Variants in CDCA7 observed in about 807,000 individuals in gnomAD.
The protein encoded by CDCA7 is cell division cycle-associated protein 7.
CDCA7 carries 28 observed loss-of-function variants against 54.0 expected under a neutral mutation model. The ratio of observed to expected loss-of-function variants is 0.52; its 90% CI spans 0.38 to 0.71. The LOEUF (loss-of-function observed/expected upper bound fraction) is 0.71. CDCA7 is among the 30% of genes least tolerant of loss of function. The pLI is 0.00. For missense variants in CDCA7, 484 were observed against 586.0 expected (o/e 0.83, Z 1.80); for synonymous variants, 180 against 208.2 (o/e 0.86, Z 1.16).
intron 4 of CDCA7, 93 bp downstream of exon 4, chr2:173,363,555 GT>G: frequency 8.0e-7 from 1 of 1,250,914 alleles, no homozygotes; most frequent in Non-Finnish European, 1.1e-6. Flanking sequence ...ATTTTTTTCT[GT>G]TACATGAATA....
chr2:173,359,634 T>A (rs1229108391), intron 3 of CDCA7, 143 bp downstream of exon 3: 8 of 670,258 alleles, frequency 1.2e-5, no homozygotes, highest in African/African-American at 1.8e-5. Context: ...AGTGTTTTCT[T>A]CATGTCTTAA....
At chr2:173,358,881 C>T in intron 2 of CDCA7, 44 bp downstream of exon 2, 1 of 1,584,480 alleles carries the variant, frequency 6.3e-7, no homozygotes, top group Non-Finnish European at 8.6e-7. Flanking sequence ...CTGCAGTGCT[C>T]AAAATGCCCC....
At chr2:173,368,997 AG>A (rs1190480146), downstream of CDCA7, 1 of 152,214 alleles carries the variant, frequency 6.6e-6, no homozygotes, top group African/African-American at 2.4e-5. Flanking sequence ...TTTCTAAAAA[AG>A]TCTCCCTTTT....
chr2:173,355,070 A>G, intron 1 of CDCA7, 86 bp downstream of exon 1: 2 of 1,246,020 alleles, frequency 1.6e-6, no homozygotes, highest in Non-Finnish European at 1.0e-6. Context: ...CCAACTCCGC[A>G]GCCTAGCGCT....
At chr2:173,360,850 TC>T (rs1686606878) in intron 3 of CDCA7, among the ~76,000 whole-genome samples, 1 of 151,884 alleles carries the variant, frequency 6.6e-6, no homozygotes, top group Non-Finnish European at 1.5e-5. Context: ...TTTTTTCTTC[TC>T]TCTCTCTTTT....
Position 173,354,874 on chromosome 2 carries a change from T to C in CDCA7, c.-90T>C, listed in dbSNP as rs1686462215. 3 of 1,205,256 alleles carry C rather than the reference T, an allele frequency of 2.5e-6. No individual in the cohort carries two copies. Among genetic ancestry groups the C allele is most frequent in the African/African-American group, 3.4e-5 (2 of 59,652 alleles). 74.7% of individuals were successfully genotyped at this position (1,205,256 alleles called of 1,614,324 possible). On this transcript the variant is annotated 5_prime_UTR_variant, in exon 1 of 10. Transcript: ENST00000306721. ...GGCGCGCCCAGCCTGCCAGCCGCGC[T>C]GCTGCTGCTCCTCCTGCTGTGGGAC...
intron 3 of CDCA7, among the ~76,000 whole-genome samples, chr2:173,359,828 A>G (rs1458309360): frequency 3.3e-5 from 5 of 152,228 alleles, no homozygotes; most frequent in Non-Finnish European, 7.3e-5. Context: ...TCAAGTGCCC[A>G]GCCTAGTGCC....
Position 173,363,187 on chromosome 2 carries a change from C to T in CDCA7, c.385-39C>T, listed in dbSNP as rs767847739. 5 of 1,584,132 alleles carry T rather than the reference C, an allele frequency of 3.2e-6. No homozygotes were observed. In the Admixed American group the frequency reaches 8.4e-5, roughly 27 times the overall value. On this transcript the variant is annotated intron_variant, in intron 3 of 9. Transcript: ENST00000306721. ...TTGTAGTTATACTGATGCAGCTTGT[C>T]TGCTGATCAAGTCCTAATGACTCAA... is the stretch of plus-strand genomic sequence containing the variant.
In CDCA7 at chr2:173,368,915, T is replaced by A. The variant is rs1233453082; in HGVS notation, c.*1251T>A. 6.6e-6 allele frequency: 1 copy of A among 152,210 alleles called. No individual in the cohort carries two copies. The highest frequency in any genetic ancestry group is 1.5e-5 in the Non-Finnish European group (1 of 68,036). The allele number at this position is 152,210 out of a possible 1,614,324, so 9.4% of individuals were successfully genotyped here. On this transcript the variant is annotated 3_prime_UTR_variant, in exon 10 of 10. Coordinates refer to ENST00000306721, the MANE Select transcript of CDCA7 (RefSeq NM_031942.5). ...AAATGTTTGTTCTAACTTGTCTGCT[T>A]TTTTAAAAATAATCTTACTGTACTT... is the stretch of plus-strand genomic sequence containing the variant.
At chr2:173,360,578 A>C (rs1686600925) in intron 3 of CDCA7, among the ~76,000 whole-genome samples, 1 of 152,086 alleles carries the variant, frequency 6.6e-6, no homozygotes. Flanking sequence ...TCCTGGGCTT[A>C]AGCGATTCTC....
chr2:173,359,056 G>A (rs1304938831), intron 2 of CDCA7, among the ~76,000 whole-genome samples, 199 bp from the exon 3 acceptor site: 2 of 152,080 alleles, frequency 1.3e-5, no homozygotes, highest in Non-Finnish European at 2.9e-5. Flanking sequence ...TTGAAATGTC[G>A]CCTAACCTAA....
At chr2:173,358,610 T>C in intron 1 of CDCA7, 102 bp from the exon 2 acceptor site, 1 of 1,284,332 alleles carries the variant, frequency 7.8e-7, no homozygotes, top group Non-Finnish European at 1.1e-6. Flanking sequence ...AATGGACATA[T>C]CTACTCTGTG....
At position 173,363,478 on chromosome 2, in the gene CDCA7, T is replaced by G. The variant is rs763407072; in HGVS notation, c.621+16T>G. 8 of 1,603,828 alleles carry G rather than the reference T, an allele frequency of 5.0e-6. No homozygotes were observed. ...CAAAGCAATGGTAGGTATCTGACTT[T>G]GTGTTAGAATTAATTTTTCCTCTCT... On this transcript the variant is annotated intron_variant, in intron 4 of 9. Transcript: ENST00000306721.
chr2:173,360,858 T>TC (rs1491505979), intron 3 of CDCA7, among the ~76,000 whole-genome samples: 1 of 150,788 alleles, frequency 6.6e-6, no homozygotes, highest in Non-Finnish European at 1.5e-5. Context: ...TCTCTCTCTC[T>TC]TTTTTTTTAA....
At position 173,368,766 on chromosome 2, in the gene CDCA7, A is replaced by G. The variant is rs1272655413; in HGVS notation, c.*1102A>G. On this transcript the variant is annotated 3_prime_UTR_variant, in exon 10 of 10. Coordinates refer to ENST00000306721, the MANE Select transcript of CDCA7 (RefSeq NM_031942.5). The stretch of plus-strand genomic sequence containing the variant: ...ATCTAAGTGTTTGTATGTCCAATTT[A>G]CTTGCATATGTAAACCATTGCTGTG... The G allele has an allele frequency of 6.6e-6, 1 of 152,220 alleles. No individual in the cohort carries two copies. Among genetic ancestry groups the G allele is most frequent in the Non-Finnish European group, 1.5e-5 (1 of 68,040 alleles). The allele number at this position is 152,220 out of a possible 1,614,324, so 9.4% of individuals were successfully genotyped here.
rs1281948661 is a variant in CDCA7 at position 173,365,486 on chromosome 2, C to T, written c.929C>T (p.Ser310Leu). Reference sequence around the variant, plus strand: ...CTGCCCAGAAGCCGTCGCTCCAGATCATCCGTGACCCTTCCGCATATAATT... The same window carrying T: ...CTGCCCAGAAGCCGTCGCTCCAGATTATCCGTGACCCTTCCGCATATAATT... ...DDLPRSRRSR[S>L]SVTLPHIIRP... is the part of the protein sequence containing the mutation. Residue 310 changes from serine to leucine, a missense_variant, in exon 7 of 10, where the codon TCA (serine) becomes TTA (leucine). By Grantham distance (145) the Ser-to-Leu change is moderately radical (BLOSUM62 -2). Around this residue, in one of 3 missense-constraint regions of CDCA7, gnomAD observed 398 missense variants for 447.4 expected, o/e 0.89. Coordinates refer to ENST00000306721, the MANE Select transcript of CDCA7 (RefSeq NM_031942.5). 1 of 1,614,042 alleles carries T rather than the reference C, an allele frequency of 6.2e-7. No homozygotes were observed.
In CDCA7 at chr2:173,367,485, AAGTC is replaced by A. The variant is rs1382574679; in HGVS notation, c.1323-146_1323-143del. ...CCCGGGTGGGTGGGTGTGTATGAAA[AAGTC>A]AGGTAATATACTTGAAGATGCGCAC... On this transcript the variant is annotated intron_variant, in intron 9 of 9. Transcript: ENST00000306721. The A allele has an allele frequency of 7.9e-6, 10 of 1,268,372 alleles. No individual in the cohort carries two copies. In the African/African-American group the frequency reaches 1.5e-4, roughly 19 times the overall value. The allele number at this position is 1,268,372 out of a possible 1,614,324, so 78.6% of individuals were successfully genotyped here.
intron 6 of CDCA7, 148 bp from the exon 7 acceptor site, chr2:173,365,304 A>G (rs772563331): frequency 2.1e-6 from 2 of 957,824 alleles, no homozygotes; most frequent in Non-Finnish European, 3.0e-6. Context: ...TTGTGTGAAG[A>G]AATTACAAGT....
rs149871768 is a variant in CDCA7 at position 173,359,893 on chromosome 2, A to G, written c.384+402A>G. 1.1e-3 allele frequency among the ~76,000 whole-genome samples: 160 copies of G among 152,358 alleles called. 2 individuals are homozygous for G. The highest frequency in any genetic ancestry group is 3.3e-3 in the African/African-American group (139 of 41,582). On this transcript the variant is annotated intron_variant, in intron 3 of 9. Coordinates refer to ENST00000306721, the MANE Select transcript of CDCA7 (RefSeq NM_031942.5). ...GGTCTCATAGTAGATCTGTGGCTGC[A>G]TCTTGAAAACCTGTGATAACTTACG... is the stretch of plus-strand genomic sequence containing the variant.
Sources: gnomAD v4.1 joint callset for allele counts (sites outside exome capture counted in the v4.1 genomes callset) on GRCh38, gnomAD v4.1.1 for gene constraint, gnomAD v4.1.1 regional missense constraint, MANE v1.5 for transcripts, NCBI Gene and HGNC (gene_info 2026-07-23, HGNC 2026-07-21) for gene names.